CYP4F22: variants seen among roughly 807,000 people sequenced by gnomAD.
CYP4F22 encodes the protein ultra-long-chain fatty acid omega-hydroxylase.
Under a neutral mutation model 60.4 loss-of-function variants are expected in CYP4F22, and 37 were observed. The ratio of observed to expected loss-of-function variants is 0.61; its 90% CI spans 0.47 to 0.81. The LOEUF (loss-of-function observed/expected upper bound fraction) is 0.81. Among genes scored for constraint, CYP4F22 ranks in the 30% least tolerant of loss-of-function variants. The pLI, the probability that CYP4F22 is intolerant of heterozygous loss-of-function variation, is 0.00. For synonymous variants in CYP4F22, 258 were observed against 280.5 expected, an observed-to-expected ratio of 0.92 and a Z score of 0.80; for missense variants, 655 against 715.0, an observed-to-expected ratio of 0.92 and a Z score of 0.96.
intron 4 of CYP4F22, among the ~76,000 whole-genome samples, chr19:15,531,866 AGG>A (rs1450890772): frequency 6.6e-6 from 1 of 152,080 alleles, no homozygotes; most frequent in Non-Finnish European, 1.5e-5. Context: ...GCACTTTGGG[AGG>A]CCACGGCAGG....
chr19:15,522,035 C>T (rs1971232289), intron 1 of CYP4F22, among the ~76,000 whole-genome samples: 1 of 151,476 alleles, frequency 6.6e-6, no homozygotes, highest in Admixed American at 6.6e-5. Flanking sequence ...ATCCAAGCTA[C>T]TCGGTAGGCT....
rs1971586755 is a variant in CYP4F22 at position 15,550,844 on chromosome 19, T to A, written c.1418+88T>A. On this transcript the variant is annotated intron_variant, in intron 13 of 13. Coordinates refer to ENST00000269703, the MANE Select transcript of CYP4F22 (RefSeq NM_173483.4). ...GGAATGTGCCTCTCAGGAGCAGAGATCAGATGGCACCCAGGCGTCCTTTCT... is the reference window on the plus strand; with the variant it reads ...GGAATGTGCCTCTCAGGAGCAGAGAACAGATGGCACCCAGGCGTCCTTTCT... The A allele has an allele frequency of 3.3e-6, 5 of 1,502,524 alleles. No individual in the cohort carries two copies. The South Asian group carries it at 5.6e-5, about 17-fold the overall frequency. The allele number at this position is 1,502,524 out of a possible 1,614,324, so 93.1% of individuals were successfully genotyped here. A position where few individuals can be genotyped will look rare whatever the true frequency, so the allele number is the denominator to read the frequency against.
chr19:15,520,455 C>T (rs1472478739), intron 1 of CYP4F22, among the ~76,000 whole-genome samples: 1 of 145,836 alleles, frequency 6.9e-6, no homozygotes, highest in African/African-American at 2.5e-5. Flanking sequence ...TGGTGACAAA[C>T]ACTAAGTTTT....
At chr19:15,520,934 A>AT (rs1461483709) in intron 1 of CYP4F22, among the ~76,000 whole-genome samples, 1 of 151,664 alleles carries the variant, frequency 6.6e-6, no homozygotes, top group Non-Finnish European at 1.5e-5. Context: ...CACCTGACTA[A>AT]TTTTTTGTAT....
chr19:15,542,699 C>G (rs1303957548), intron 8 of CYP4F22, among the ~76,000 whole-genome samples: 2 of 150,782 alleles, frequency 1.3e-5, no homozygotes, highest in Non-Finnish European at 2.9e-5. Context: ...CTGATATTCT[C>G]CCTCCTCCTG....
chr19:15,537,435 C>G, intron 5 of CYP4F22, 21 bp downstream of exon 5: 1 of 1,614,110 alleles, frequency 6.2e-7, no homozygotes, highest in Non-Finnish European at 8.5e-7. Context: ...AGTGGGTAGG[C>G]TGGGGCTGGG....
intron 12 of CYP4F22, among the ~76,000 whole-genome samples, chr19:15,549,608 G>A (rs1219369217): frequency 6.6e-6 from 1 of 152,134 alleles, no homozygotes; most frequent in African/African-American, 2.4e-5. Flanking sequence ...TGGGAGAATC[G>A]CTTGGGCCCA....
chr19:15,523,179 A>T (rs566464582), intron 1 of CYP4F22, among the ~76,000 whole-genome samples: 15 of 144,472 alleles, frequency 1.0e-4, no homozygotes, highest in African/African-American at 3.8e-4. Flanking sequence ...ACATGGTGAA[A>T]CCCCGTCTCT....
rs1273901591 is a variant in CYP4F22 at position 15,531,136 on chromosome 19, G to T, written c.367+1283G>T. Among the ~76,000 whole-genome samples the T allele has an allele frequency of 1.3e-5, 2 of 152,108 alleles. 1 individual carries two copies. The highest frequency in any genetic ancestry group is 4.1e-4 in the South Asian group (2 of 4,830). ...GTGCACCTGTAGTCTCGGCTACTTG[G>T]GTGGCTGAGATGGGAGGATCACTTG... On this transcript the variant is annotated intron_variant, in intron 4 of 13. Transcript: ENST00000269703.
At chr19:15,542,802 G>T (rs1294857589) in intron 8 of CYP4F22, among the ~76,000 whole-genome samples, 1 of 152,122 alleles carries the variant, frequency 6.6e-6, no homozygotes, top group African/African-American at 2.4e-5. Context: ...GGAACATGTG[G>T]TGTTTGGTTT....
At chr19:15,548,299 A>G (rs1192827362) in intron 11 of CYP4F22, 58 bp downstream of exon 11, 5 of 1,609,956 alleles carry the variant, frequency 3.1e-6, no homozygotes, top group South Asian at 1.1e-5. Context: ...TAGCTGCTCT[A>G]TTGTCCACAG....
chr19:15,551,209 C>T, intron 13 of CYP4F22, 85 bp from the exon 14 acceptor site: 1 of 1,534,504 alleles, frequency 6.5e-7, no homozygotes, highest in Non-Finnish European at 8.8e-7. Context: ...AGGATGCTTG[C>T]TTCATTTTCA....
At chr19:15,526,566 C>T (rs1323017706) in intron 3 of CYP4F22, among the ~76,000 whole-genome samples, 1 of 147,128 alleles carries the variant, frequency 6.8e-6, no homozygotes, top group African/African-American at 2.7e-5. Flanking sequence ...CCCCATTTTG[C>T]GTGGAAGATT....
intron 3 of CYP4F22, among the ~76,000 whole-genome samples, chr19:15,528,760 G>A (rs986401020): frequency 4.6e-5 from 7 of 152,058 alleles, no homozygotes; most frequent in Non-Finnish European, 1.0e-4. Flanking sequence ...TAATAGCAAC[G>A]GTCTCATAGG....
At chr19:15,538,697 C>T (rs1035776695) in intron 7 of CYP4F22, among the ~76,000 whole-genome samples, 1 of 152,084 alleles carries the variant, frequency 6.6e-6, no homozygotes, top group African/African-American at 2.4e-5. Context: ...CTAATGACTT[C>T]GTTACTCTAG....
At position 15,537,987 on chromosome 19, in the gene CYP4F22, G is replaced by C; in HGVS notation, c.665G>C (p.Cys222Ser). 6.2e-7 allele frequency: 1 copy of C among 1,614,102 alleles called. No individual in the cohort carries two copies. The highest frequency in any genetic ancestry group is 8.5e-7 in the Non-Finnish European group (1 of 1,180,016). Residue 222 changes from cysteine (C) to serine (S), a missense_variant, in exon 7 of 14, where the codon TGC becomes TCC. Physicochemically the swap from Cys to Ser is moderately radical, Grantham distance 112. Transcript: ENST00000269703. Reference protein sequence around the residue: ...QKCVFSYNSNCQEKMSDYISA... With the variant: ...QKCVFSYNSNSQEKMSDYISA... ...TGTGTCTTCAGCTACAACAGCAACT[G>C]CCAAGAGTGAGTGTGACCCTTCTTG...
chr19:15,508,854 G>C (rs1971050809), intron 1 of CYP4F22, among the ~76,000 whole-genome samples: 1 of 151,410 alleles, frequency 6.6e-6, no homozygotes, highest in African/African-American at 2.4e-5. Context: ...TGTGCGCCTC[G>C]GAGTCCTAGG....
At chr19:15,531,797 G>T (rs548756622) in intron 4 of CYP4F22, among the ~76,000 whole-genome samples, 19 of 152,188 alleles carry the variant, frequency 1.2e-4, no homozygotes, top group African/African-American at 4.3e-4. Flanking sequence ...CAGTTGTGAA[G>T]CCTGAATAAT....
At chr19:15,531,829 G>A (rs1420187601) in intron 4 of CYP4F22, among the ~76,000 whole-genome samples, 2 of 152,122 alleles carry the variant, frequency 1.3e-5, no homozygotes, top group Admixed American at 6.5e-5. Context: ...AAGAGGCCAC[G>A]TGCAGTGACT....
Sources: gnomAD v4.1 joint callset for allele counts (sites outside exome capture counted in the v4.1 genomes callset) on GRCh38, gnomAD v4.1.1 for gene constraint, MANE v1.5 for transcripts, NCBI Gene and HGNC (gene_info 2026-07-23, HGNC 2026-07-21) for gene names.